The following CA14 variants were observed in gnomAD, a reference collection of about 807,000 sequenced individuals.
CA14 encodes the protein CA-XIV.
In CA14, 44 loss-of-function variants were observed where a neutral mutation model predicts 48.8. The ratio of observed to expected loss-of-function variants is 0.90; its 90% confidence interval spans 0.71 to 1.16. CA14 has a LOEUF of 1.16. Among genes scored for constraint, CA14 ranks in the 50% most tolerant of loss-of-function variants. The probability of loss-of-function intolerance (pLI) is 0.00; values close to 1 mark genes in which losing one functional copy is unlikely to be tolerated. For synonymous variants in CA14, 154 were observed against 155.0 expected, an observed-to-expected ratio of 0.99 and a Z score of 0.05; for missense variants, 386 against 401.0, an observed-to-expected ratio of 0.96 and a Z score of 0.32.
intron 10 of CA14, 30 bp from the exon 11 acceptor site, chr1:150,264,563 G>T: frequency 7.8e-7 from 1 of 1,275,142 alleles, no homozygotes; most frequent in South Asian, 1.2e-5. Context: ...TTAGATAGCA[G>T]TCATTCTCAT....
At position 150,262,233 on chromosome 1, in the gene CA14, A is replaced by C; in HGVS notation, c.332A>C (p.His111Pro). 6.2e-7 allele frequency: 1 copy of C among 1,613,636 alleles called. No homozygotes were observed. Residue 111 changes from histidine to proline, a missense_variant, in exon 4 of 11, where the codon CAC becomes CCC. Transcript: ENST00000369111. ...TATGTAGCTGCCCAGCTCCACCTGC[A>C]CTGGGGTCAGAAAGGATCCCCAGGG... ...RKYVAAQLHL[H>P]WGQKGSPGGS...
intron 1 of CA14, among the ~76,000 whole-genome samples, chr1:150,259,014 A>C (rs1426369527): frequency 6.6e-6 from 1 of 152,210 alleles, no homozygotes; most frequent in Non-Finnish European, 1.5e-5. Flanking sequence ...AAAGAAAAAA[A>C]GAGGGAAAGA....
At chr1:150,261,322 C>G in intron 2 of CA14, 137 bp from the exon 3 acceptor site, 1 of 724,534 alleles carries the variant, frequency 1.4e-6, no homozygotes, top group Non-Finnish European at 2.3e-6. Context: ...GGGGTCTTAA[C>G]CTGGGTGGAG....
At chr1:150,258,485 G>T (rs1282038639) in intron 1 of CA14, among the ~76,000 whole-genome samples, 1 of 152,070 alleles carries the variant, frequency 6.6e-6, no homozygotes, top group South Asian at 2.1e-4. Flanking sequence ...TTCCCCCACT[G>T]CCCTGGTCCC....
Position 150,263,641 on chromosome 1 carries a change from C to T in CA14, c.842-18C>T, listed in dbSNP as rs1651308044. On this transcript the variant is annotated intron_variant, in intron 8 of 10. Transcript: ENST00000369111. ...ATGGGGATCTGAAGTCCCACTGACCCATTTTCTTCTCTTACAGCAGGATCC... is the reference window on the plus strand; with the variant it reads ...ATGGGGATCTGAAGTCCCACTGACCTATTTTCTTCTCTTACAGCAGGATCC... The T allele has an allele frequency of 6.2e-7, 1 of 1,613,678 alleles. No individual in the cohort carries two copies. The highest frequency in any genetic ancestry group is 8.5e-7 in the Non-Finnish European group (1 of 1,179,890).
chr1:150,259,436 T>C (rs1158564188), intron 1 of CA14, among the ~76,000 whole-genome samples: 1 of 152,084 alleles, frequency 6.6e-6, no homozygotes, highest in East Asian at 1.9e-4. Flanking sequence ...CTACACACAA[T>C]GCTTCACTTT....
rs141941429 is a variant in CA14 at position 150,258,027 on chromosome 1, G to GCTCTCT, written c.-88_-83dup. 3.0e-6 allele frequency: 2 copies of GCTCTCT among 673,096 alleles called. No homozygotes were observed. The highest frequency in any genetic ancestry group is 4.7e-6 in the Non-Finnish European group (2 of 429,214). The allele number at this position is 673,096 out of a possible 1,614,324, so 41.7% of individuals were successfully genotyped here. A position where few individuals can be genotyped will look rare whatever the true frequency, so the allele number is the denominator to read the frequency against. On this transcript the variant is annotated 5_prime_UTR_variant, in exon 1 of 11. Coordinates refer to ENST00000369111, the MANE Select transcript of CA14 (RefSeq NM_012113.3). ...ATACACTCACGCCAGGAGCTCGCTCGCTCTCTCTCTCTCTCTCTCACTCCT... is the reference window on the plus strand; with the variant it reads ...ATACACTCACGCCAGGAGCTCGCTCGCTCTCTCTCTCTCTCTCTCTCTCTCACTCCT...
intron 9 of CA14, 26 bp downstream of exon 9, chr1:150,263,705 G>A (rs587623090): frequency 1.4e-5 from 23 of 1,613,636 alleles, no homozygotes; most frequent in East Asian, 1.1e-4. Context: ...AAGATAATGC[G>A]GGGAGGGGAG....
At chr1:150,263,590 A>T in intron 8 of CA14, 69 bp from the exon 9 acceptor site, 1 of 1,612,488 alleles carries the variant, frequency 6.2e-7, no homozygotes, top group Non-Finnish European at 8.5e-7. Flanking sequence ...CAGGCACAGC[A>T]GCAGAGAGTG....
At chr1:150,260,512 A>AC (rs2101829379) in intron 2 of CA14, 1 of 404,624 alleles carries the variant, frequency 2.5e-6, no homozygotes, top group South Asian at 2.1e-5. Flanking sequence ...CCTACCCCTA[A>AC]CCTGCATCTG....
chr1:150,261,773 A>G (rs1009021861), intron 3 of CA14, 135 bp downstream of exon 3: 1 of 760,138 alleles, frequency 1.3e-6, no homozygotes, highest in Non-Finnish European at 2.1e-6. Flanking sequence ...TCTTGTCAAG[A>G]TGTTGGCACA....
Position 150,262,838 on chromosome 1 carries a change from TTC to T in CA14, c.532_533del (p.Leu178GlufsTer5), listed in dbSNP as rs1475450534. The T allele has an allele frequency of 8.7e-6, 14 of 1,613,362 alleles. No homozygotes were observed. The highest frequency in any genetic ancestry group is 1.1e-5 in the Non-Finnish European group (13 of 1,179,370). ...ACTAAGAATATAGCTTATGAACACA[TTC>T]TGAGTCACTTGCATGAAGTCAGGCA... On this transcript the variant is annotated frameshift_variant, in exon 6 of 11. Transcript: ENST00000369111. LOFTEE classifies it high-confidence loss of function.
chr1:150,261,531 T>C lies in CA14; in HGVS notation c.149T>C (p.Ile50Thr). ...CGNNAQSPID[I>T]QTDSVTFDPD... ...AACAATGCCCAGTCGCCCATCGATA[T>C]TCAGACAGACAGTGTGACATTTGAC... Residue 50 changes from isoleucine to threonine, a missense_variant, in exon 3 of 11, where the codon ATT (isoleucine) becomes ACT (threonine). Transcript: ENST00000369111. 1 of 1,614,156 alleles carries C rather than the reference T, an allele frequency of 6.2e-7. No individual in the cohort carries two copies. The highest frequency in any genetic ancestry group is 2.2e-5 in the East Asian group (1 of 44,882).
At chr1:150,259,951 G>T (rs1176793445) in intron 1 of CA14, among the ~76,000 whole-genome samples, 200 bp from the exon 2 acceptor site, 1 of 152,200 alleles carries the variant, frequency 6.6e-6, no homozygotes, top group Non-Finnish European at 1.5e-5. Context: ...CAGCCTGGCT[G>T]GTGATTTTAA....
rs112868617 is a variant in CA14, at chr1:150,263,625, T to C, written c.842-34T>C. On this transcript the variant is annotated intron_variant, in intron 8 of 10. Coordinates refer to ENST00000369111, the MANE Select transcript of CA14 (RefSeq NM_012113.3). ...GCTGCTCCCAGCTGGGATGGGGATCTGAAGTCCCACTGACCCATTTTCTTC... is the reference window on the plus strand; with the variant it reads ...GCTGCTCCCAGCTGGGATGGGGATCCGAAGTCCCACTGACCCATTTTCTTC... 13 of 1,613,372 alleles carry C rather than the reference T, an allele frequency of 8.1e-6. No individual in the cohort carries two copies. In the East Asian group the frequency reaches 2.9e-4, roughly 36 times the overall value.
Position 150,264,602 on chromosome 1 carries a change from GCTGGAAA to G in CA14, c.958_964del (p.Leu320ThrfsTer27), listed in dbSNP as rs782058351. ...CCATTCCCCTTTCCAGGAAGAAGAG[GCTGGAAA>G]ACCGAAAGAGTGTGGTCTTCACCTC... On this transcript the variant is annotated frameshift_variant, in exon 11 of 11. Transcript: ENST00000369111. LOFTEE classifies it high-confidence loss of function. The G allele has an allele frequency of 6.2e-7, 1 of 1,606,430 alleles. No individual in the cohort carries two copies. Among genetic ancestry groups the G allele is most frequent in the South Asian group, 1.1e-5 (1 of 90,912 alleles).
At position 150,258,020 on chromosome 1, in the gene CA14, C is replaced by A; in HGVS notation, c.-109C>A. 1 of 699,134 alleles carries A rather than the reference C, an allele frequency of 1.4e-6. No homozygotes were observed. Among genetic ancestry groups the A allele is most frequent in the Non-Finnish European group, 2.3e-6 (1 of 439,050 alleles). 43.3% of individuals were successfully genotyped at this position (699,134 alleles called of 1,614,324 possible). A position where few individuals can be genotyped will look rare whatever the true frequency, so the allele number is the denominator to read the frequency against. ...GAGATAAATACACTCACGCCAGGAG[C>A]TCGCTCGCTCTCTCTCTCTCTCTCT... On this transcript the variant is annotated 5_prime_UTR_variant, in exon 1 of 11. Coordinates refer to ENST00000369111, the MANE Select transcript of CA14 (RefSeq NM_012113.3).
Position 150,263,372 on chromosome 1 carries a change from C to T in CA14, c.794C>T (p.Ala265Val). 2.5e-6 allele frequency: 4 copies of T among 1,614,220 alleles called. No individual in the cohort carries two copies. Among genetic ancestry groups the T allele is most frequent in the Non-Finnish European group, 3.4e-6 (4 of 1,180,032 alleles). ...PSKLLVQNYR[A>V]LQPLNQRMVF... ...AAGCTTCTGGTACAGAACTACCGAG[C>T]CCTTCAGCCTCTCAATCAGCGCATG... is the stretch of plus-strand genomic sequence containing the variant. Residue 265 changes from alanine (A) to valine (V), a missense_variant, in exon 8 of 11, where the codon GCC becomes GTC. By Grantham distance (64) the Ala-to-Val change is moderately conservative. Transcript: ENST00000369111.
chr1:150,259,993 C>T (rs191418646), intron 1 of CA14, among the ~76,000 whole-genome samples, 158 bp from the exon 2 acceptor site: 9 of 152,246 alleles, frequency 5.9e-5, no homozygotes, highest in East Asian at 1.9e-4. Context: ...CAGAGGTGTC[C>T]GGTTTCAGGG....
Sources: allele counts gnomAD v4.1 joint callset (sites outside exome capture counted in the v4.1 genomes callset), GRCh38; gene constraint gnomAD v4.1.1; transcripts MANE v1.5; gene names NCBI Gene and HGNC (gene_info 2026-07-23, HGNC 2026-07-21).